The following ALG13 variants were observed in gnomAD, a reference collection of about 807,000 sequenced individuals.
ALG13 encodes the protein ALG13 UDP-N-acetylglucosaminyltransferase subunit, also known as UDP-N-acetylglucosamine transferase subunit ALG13.
In ALG13, 11 loss-of-function variants were observed where a neutral mutation model predicts 87.8. The ratio of observed to expected loss-of-function variants is 0.13; its 90% confidence interval spans 0.08 to 0.21. The LOEUF (loss-of-function observed/expected upper bound fraction) is 0.21. ALG13 is among the 10% of genes least tolerant of loss of function. The probability of loss-of-function intolerance (pLI) is 1.00; values close to 1 mark genes in which losing one functional copy is unlikely to be tolerated. For synonymous variants in ALG13, 320 were observed against 306.3 expected (o/e 1.04, Z -0.47); for missense variants, 756 against 866.1 (o/e 0.87, Z 1.60).
intron 3 of ALG13, among the ~76,000 whole-genome samples, chrX:111,706,059 C>A (rs1448578165): frequency 2.9e-5 from 3 of 105,172 alleles, no homozygotes; most frequent in Non-Finnish European, 3.9e-5. Flanking sequence ...ATTATAATCC[C>A]TTTTTTTTTT....
chrX:111,757,791 A>C, intron 26 of ALG13, 29 bp downstream of exon 26: 2 of 1,183,362 alleles, frequency 1.7e-6, no homozygotes, highest in Non-Finnish European at 2.3e-6. Context: ...TGCCAGCAAG[A>C]AAGACAGTTG....
chrX:111,693,967 C>G (rs1238079731), intron 3 of ALG13, among the ~76,000 whole-genome samples: 2 of 111,682 alleles, frequency 1.8e-5, no homozygotes, highest in Non-Finnish European at 3.8e-5. Context: ...TTCCTAGACT[C>G]ATTTGTAATT....
At chrX:111,723,507 A>G (rs1941642723) in intron 13 of ALG13, among the ~76,000 whole-genome samples, 1 of 110,963 alleles carries the variant, frequency 9.0e-6, no homozygotes, top group Non-Finnish European at 1.9e-5. Context: ...CCTGGCCTCA[A>G]GTGATCCTCC....
intron 24 of ALG13, among the ~76,000 whole-genome samples, chrX:111,749,277 TTCCAGCAG>T (rs1479221771): frequency 9.0e-6 from 1 of 111,010 alleles, no homozygotes; most frequent in Non-Finnish European, 1.9e-5. Context: ...ATCTCCAGTA[TTCCAGCAG>T]TACCATTTGT....
chrX:111,681,821 G>T, intron 1 of ALG13: 1 of 861,310 alleles, frequency 1.2e-6, no homozygotes, highest in Non-Finnish European at 1.4e-6. Flanking sequence ...TCTCGCAGTT[G>T]ATCAAGTGAG....
chrX:111,703,170 G>T (rs1938178368), intron 3 of ALG13, among the ~76,000 whole-genome samples: 2 of 109,181 alleles, frequency 1.8e-5, no homozygotes, highest in South Asian at 7.8e-4. Context: ...TACAGTGCTA[G>T]AATTTTTTTA....
At chrX:111,720,367 T>C (rs1433008907) in intron 11 of ALG13, among the ~76,000 whole-genome samples, 197 bp downstream of exon 11, 7 of 112,434 alleles carry the variant, frequency 6.2e-5, no homozygotes, top group Admixed American at 5.6e-4. Flanking sequence ...TTTTACAGAA[T>C]TTTAGATTTT....
intron 25 of ALG13, 197 bp from the exon 26 acceptor site, chrX:111,757,391 A>G (rs994218828): frequency 1.2e-5 from 4 of 329,901 alleles, no homozygotes; most frequent in Non-Finnish European, 2.1e-5. Context: ...ATGAGATACA[A>G]ATGCTGCAAA....
intron 22 of ALG13, among the ~76,000 whole-genome samples, chrX:111,736,405 G>C (rs1009720881): frequency 1.2e-4 from 13 of 111,512 alleles, no homozygotes; most frequent in Non-Finnish European, 2.1e-4. Context: ...AACTGTTTGG[G>C]GAGCGGGCAA....
At position 111,681,228 on chromosome X, in the gene ALG13, G is replaced by T. The variant is rs1245567722; in HGVS notation, c.10G>T (p.Val4Leu). The change falls in exon 1 of 27, where the codon GTG becomes TTG. Residue 4 changes from valine to leucine, a missense_variant. By Grantham distance (32) the Val-to-Leu change is conservative. Transcript: ENST00000394780. MKC[V>L]FVTVGTTSFD... is the part of the protein sequence containing the mutation. ...TTGAGGAACCCGCGCCATGAAGTGC[G>T]TGTTTGTTACCGTAGGGACCACCAG... is the stretch of plus-strand genomic sequence containing the variant. 1 of 1,212,051 alleles carries T rather than the reference G, an allele frequency of 8.3e-7. No individual in the cohort carries two copies. The highest frequency in any genetic ancestry group is 1.1e-6 in the Non-Finnish European group (1 of 895,398).
At chrX:111,751,746 T>TATTTGTATG (rs1275969358) in intron 24 of ALG13, among the ~76,000 whole-genome samples, 1 of 111,849 alleles carries the variant, frequency 8.9e-6, no homozygotes, top group African/African-American at 3.2e-5. Flanking sequence ...GCAATAAATG[T>TATTTGTATG]ATTTGTATGT....
At chrX:111,720,892 A>G (rs1941325753) in intron 11 of ALG13, among the ~76,000 whole-genome samples, 1 of 110,087 alleles carries the variant, frequency 9.1e-6, no homozygotes, top group African/African-American at 3.3e-5. Context: ...ATTGGTTTAT[A>G]TGGGATGTGT....
At position 111,730,534 on chromosome X, in the gene ALG13, A is replaced by G. The variant is rs1488554624; in HGVS notation, c.2411A>G (p.Tyr804Cys). 1 of 1,194,077 alleles carries G rather than the reference A, an allele frequency of 8.4e-7. No individual in the cohort carries two copies. Among genetic ancestry groups the G allele is most frequent in the African/African-American group, 1.7e-5 (1 of 57,611 alleles). ...TGGCTATATTCTCTAGAGCCAGACT[A>G]TGAAACTTCAGGTGTTTATAGCACA... is the stretch of plus-strand genomic sequence containing the variant. ...EEYLYRAEPD[Y>C]ETSGVYSTTA... The change falls in exon 21 of 27, where the codon TAT becomes TGT. Residue 804 changes from tyrosine (Y) to cysteine (C), a missense_variant. By Grantham distance (194) the Tyr-to-Cys change is radical. Transcript: ENST00000394780.
At chrX:111,688,632 GAGA>G (rs1186131667) in intron 3 of ALG13, 3 of 748,418 alleles carry the variant, frequency 4.0e-6, no homozygotes, top group Non-Finnish European at 4.7e-6. Context: ...TTACTGGTTT[GAGA>G]AGAATAATCA....
chrX:111,708,913 T>A, intron 4 of ALG13, 52 bp from the exon 5 acceptor site: 1 of 810,341 alleles, frequency 1.2e-6, no homozygotes, highest in Non-Finnish European at 1.8e-6. Flanking sequence ...GATTTAGAAG[T>A]GCCTATTTTA....
In ALG13 at chrX:111,760,568, A is replaced by G. The variant is rs761018911; in HGVS notation, c.*569A>G. On this transcript the variant is annotated 3_prime_UTR_variant, in exon 27 of 27. Transcript: ENST00000394780. ...CTATTGTTTAATACTGGATGTATGT[A>G]AGTGTTTTACTGCACTGTATTGAAT... is the stretch of plus-strand genomic sequence containing the variant. 1.8e-5 allele frequency: 2 copies of G among 113,300 alleles called. No individual in the cohort carries two copies. Among genetic ancestry groups the G allele is most frequent in the Non-Finnish European group, 3.7e-5 (2 of 53,701 alleles). The allele number at this position is 113,300 out of a possible 1,213,427, so 9.3% of individuals were successfully genotyped here.
At chrX:111,738,678 T>C (rs1238117671) in intron 23 of ALG13, among the ~76,000 whole-genome samples, 2 of 110,543 alleles carry the variant, frequency 1.8e-5, no homozygotes, top group Admixed American at 9.6e-5. Context: ...CCTGGGACTA[T>C]AGGCACACGC....
At position 111,736,576 on chromosome X, in the gene ALG13, A is replaced by G. The variant is rs921276160; in HGVS notation, c.2530-138A>G. 2.6e-5 allele frequency: 14 copies of G among 537,432 alleles called. No individual in the cohort carries two copies. The Middle Eastern group carries it at 1.7e-3, about 66-fold the overall frequency. 44.3% of individuals were successfully genotyped at this position (537,432 alleles called of 1,213,427 possible). On this transcript the variant is annotated intron_variant, in intron 22 of 26. Coordinates refer to ENST00000394780, the MANE Select transcript of ALG13 (RefSeq NM_001099922.3). ...ATCTTCTGAAAGAAATAACCTTCCTATATAAGGTTTACATAAAGATTGACT... is the reference window on the plus strand; with the variant it reads ...ATCTTCTGAAAGAAATAACCTTCCTGTATAAGGTTTACATAAAGATTGACT...
intron 25 of ALG13, chrX:111,757,270 C>A: frequency 5.5e-6 from 1 of 182,156 alleles, no homozygotes. Context: ...TATCCAGTTC[C>A]CTGTTGTTAA....
Sources: allele counts gnomAD v4.1 joint callset (sites outside exome capture counted in the v4.1 genomes callset), GRCh38; gene constraint gnomAD v4.1.1; transcripts MANE v1.5; gene names NCBI Gene and HGNC (gene_info 2026-07-23, HGNC 2026-07-21).